The following GTF2I variants were observed in gnomAD, a reference collection of about 807,000 sequenced individuals.
The protein encoded by GTF2I is general transcription factor IIi, also known as general transcription factor II-I.
Under a neutral mutation model 67.6 loss-of-function variants are expected in GTF2I, and 12 were observed. The observed-to-expected ratio is 0.18, with a 90% CI of 0.11 to 0.29. The LOEUF (loss-of-function observed/expected upper bound fraction) is 0.29, where lower values mean the gene tolerates loss of function less well. Among genes scored for constraint, GTF2I ranks in the 10% least tolerant of loss-of-function variants. The pLI, the probability that GTF2I is intolerant of heterozygous loss-of-function variation, is 1.00. For synonymous variants in GTF2I, 149 were observed against 197.0 expected, an observed-to-expected ratio of 0.76 and a Z score of 2.04; for missense variants, 271 against 580.1, an observed-to-expected ratio of 0.47 and a Z score of 5.47.
At chr7:74,664,946 GT>G (rs1303200010) in intron 1 of GTF2I, among the ~76,000 whole-genome samples, 60 of 142,652 alleles carry the variant, frequency 4.2e-4, no homozygotes, top group Admixed American at 5.6e-4. Flanking sequence ...CCTATTTTTT[GT>G]TTTTTTTTTT....
At chr7:74,733,156 G>A (rs1363345300) in intron 15 of GTF2I, among the ~76,000 whole-genome samples, 2 of 116,864 alleles carry the variant, frequency 1.7e-5, no homozygotes, top group Admixed American at 9.5e-5. Context: ...TAGTAGAGAC[G>A]GTGATTCACC....
At position 74,715,121 on chromosome 7, in the gene GTF2I, A is replaced by T. The variant is rs587619808; in HGVS notation, c.823+205A>T. 3.9e-5 allele frequency among the ~76,000 whole-genome samples: 6 copies of T among 152,212 alleles called. No homozygotes were observed. The East Asian group carries it at 1.2e-3, about 29-fold the overall frequency. On this transcript the variant is annotated intron_variant, in intron 10 of 34. Transcript: ENST00000573035. Reference sequence around the variant, plus strand: ...AATCAATTTTCCCTTTTGTGAATCTAGTAATGAATCTCGAAATGGGTACAT... The same window carrying T: ...AATCAATTTTCCCTTTTGTGAATCTTGTAATGAATCTCGAAATGGGTACAT...
chr7:74,701,504 T>C (rs1161350224), intron 6 of GTF2I, among the ~76,000 whole-genome samples: 1 of 152,080 alleles, frequency 6.6e-6, no homozygotes, highest in African/African-American at 2.4e-5. Flanking sequence ...GGAGTCTTGC[T>C]CTGTCGCCAA....
chr7:74,658,374 C>T (rs1554384662), intron 1 of GTF2I, among the ~76,000 whole-genome samples: 1 of 145,902 alleles, frequency 6.9e-6, no homozygotes. Flanking sequence ...CGCCTCAGTG[C>T]GCGTGGGGGA....
At chr7:74,662,204 CTTTTTTTTTTTTTTT>C (rs59914241) in intron 1 of GTF2I, among the ~76,000 whole-genome samples, 6 of 82,596 alleles carry the variant, frequency 7.3e-5, no homozygotes, top group African/African-American at 1.1e-4. Context: ...TTTTTTCTTT[CTTTTTTTTTTTTTTT>C]TTTTTTTTTT....
intron 3 of GTF2I, 110 bp from the exon 4 acceptor site, chr7:74,698,851 T>C (rs987340184): frequency 1.2e-5 from 5 of 416,928 alleles, no homozygotes; most frequent in South Asian, 1.3e-4. Flanking sequence ...ATAAAAGTAG[T>C]TTTCCCTGTT....
chr7:74,731,648 A>C (rs1554406712), intron 14 of GTF2I, among the ~76,000 whole-genome samples: 1 of 150,858 alleles, frequency 6.6e-6, no homozygotes, highest in Non-Finnish European at 1.5e-5. Flanking sequence ...AGGTTCAAGC[A>C]ATTCTCCTGT....
intron 1 of GTF2I, among the ~76,000 whole-genome samples, chr7:74,658,311 A>G (rs1302777362): frequency 2.7e-5 from 4 of 145,826 alleles, no homozygotes; most frequent in Non-Finnish European, 6.0e-5. Context: ...AAACGAGGCG[A>G]TGGGGGTGGG....
At chr7:74,693,148 A>G (rs1382339937) in intron 3 of GTF2I, among the ~76,000 whole-genome samples, 2 of 147,202 alleles carry the variant, frequency 1.4e-5, no homozygotes, top group African/African-American at 2.5e-5. Flanking sequence ...TGTCAAGTCT[A>G]TTGGTGCCAT....
At chr7:74,718,334 G>A (rs183516390) in intron 11 of GTF2I, among the ~76,000 whole-genome samples, 3 of 152,186 alleles carry the variant, frequency 2.0e-5, no homozygotes, top group Admixed American at 6.5e-5. Flanking sequence ...CATTTGTCTT[G>A]TGTAGGAACA....
chr7:74,706,786 C>T (rs376503507), intron 8 of GTF2I, among the ~76,000 whole-genome samples: 44 of 152,310 alleles, frequency 2.9e-4, no homozygotes, highest in East Asian at 1.3e-3. Flanking sequence ...TCTCTGCACT[C>T]CTGTTTTCCA....
chr7:74,701,063 G>T (rs1789666668), intron 6 of GTF2I, among the ~76,000 whole-genome samples: 1 of 152,196 alleles, frequency 6.6e-6, no homozygotes, highest in Non-Finnish European at 1.5e-5. Context: ...CATCCCTACG[G>T]CAAGAATGGC....
chr7:74,696,488 G>A (rs587776106), intron 3 of GTF2I, among the ~76,000 whole-genome samples: 2 of 151,172 alleles, frequency 1.3e-5, no homozygotes, highest in East Asian at 2.0e-4. Flanking sequence ...CACTACACTC[G>A]GCTAATTTTT....
chr7:74,685,979 G>A (rs1486615639), intron 1 of GTF2I, among the ~76,000 whole-genome samples: 4 of 152,186 alleles, frequency 2.6e-5, no homozygotes, highest in Non-Finnish European at 4.4e-5. Context: ...CGTGAACCCG[G>A]GAGGCGGAGC....
intron 12 of GTF2I, among the ~76,000 whole-genome samples, chr7:74,719,360 C>T (rs1353420592): frequency 6.6e-6 from 1 of 152,156 alleles, no homozygotes; most frequent in Admixed American, 6.5e-5. Context: ...AAGCAAGTCC[C>T]TGCCCCCTTC....
At chr7:74,702,513 C>T (rs1423530706) in intron 6 of GTF2I, among the ~76,000 whole-genome samples, 1 of 152,038 alleles carries the variant, frequency 6.6e-6, no homozygotes, top group South Asian at 2.1e-4. Flanking sequence ...TGAGCCATCG[C>T]GCCCTGCTAC....
intron 10 of GTF2I, among the ~76,000 whole-genome samples, chr7:74,716,017 C>T (rs1348068173): frequency 6.6e-6 from 1 of 152,046 alleles, no homozygotes; most frequent in Non-Finnish European, 1.5e-5. Flanking sequence ...AAGAGATGAA[C>T]ATCTGCTTCC....
intron 1 of GTF2I, among the ~76,000 whole-genome samples, chr7:74,667,926 C>T (rs1035229067): frequency 5.3e-5 from 8 of 151,276 alleles, no homozygotes; most frequent in Admixed American, 2.0e-4. Context: ...CTCCATCTCC[C>T]GGGTTCAAGT....
chr7:74,665,322 G>C (rs1425559212), intron 1 of GTF2I, among the ~76,000 whole-genome samples: 1 of 152,012 alleles, frequency 6.6e-6, no homozygotes, highest in East Asian at 1.9e-4. Flanking sequence ...CATGATCTCA[G>C]CTCACTACAA....
Sources: gnomAD v4.1 joint callset for allele counts (sites outside exome capture counted in the v4.1 genomes callset) on GRCh38, gnomAD v4.1.1 for gene constraint, MANE v1.5 for transcripts, NCBI Gene and HGNC (gene_info 2026-07-23, HGNC 2026-07-21) for gene names.